The following SCAF8 variants were observed in gnomAD, a reference collection of about 807,000 sequenced individuals.
SCAF8 encodes SR-related and CTD-associated factor 8.
A neutral mutation model predicts 140.5 loss-of-function variants in SCAF8; 23 were observed. The ratio of observed to expected loss-of-function variants is 0.16; its 90% confidence interval spans 0.12 to 0.23. SCAF8 has a LOEUF of 0.23. Ranked by LOEUF, SCAF8 falls within the 10% of genes least tolerant of loss-of-function variation. The pLI is 1.00. For missense variants in SCAF8, 1,397 were observed against 1,555.7 expected (o/e 0.90, Z 1.72); for synonymous variants, 575 against 528.9 (o/e 1.09, Z -1.20).
chr6:154,827,328 A>G (rs964648207), intron 18 of SCAF8, 88 bp downstream of exon 18: 1 of 854,162 alleles, frequency 1.2e-6, no homozygotes, highest in Non-Finnish European at 1.8e-6. Flanking sequence ...TACCGTTAAT[A>G]TTTTTATTAT....
intron 1 of SCAF8, among the ~76,000 whole-genome samples, chr6:154,772,498 C>T (rs1776798428): frequency 6.6e-6 from 1 of 152,106 alleles, no homozygotes; most frequent in Non-Finnish European, 1.5e-5. Context: ...AAGACCAGCC[C>T]AGGCAACATG....
intron 6 of SCAF8, among the ~76,000 whole-genome samples, chr6:154,797,964 A>G (rs994717390): frequency 1.3e-5 from 2 of 151,314 alleles, no homozygotes; most frequent in Middle Eastern, 3.4e-3. Flanking sequence ...ATTCAAATCA[A>G]ACTAAAATTT....
intron 6 of SCAF8, among the ~76,000 whole-genome samples, chr6:154,798,867 G>A (rs1358141685): frequency 1.3e-5 from 2 of 151,430 alleles, no homozygotes; most frequent in East Asian, 3.9e-4. Context: ...TGGTGCAGTT[G>A]TATTTCACTG....
chr6:154,778,075 G>C (rs1201125858), intron 3 of SCAF8, 30 bp downstream of exon 3: 6 of 1,309,830 alleles, frequency 4.6e-6, no homozygotes, highest in Non-Finnish European at 6.6e-6. Context: ...TACATGTGCT[G>C]TAATTGTAGA....
At chr6:154,737,021 A>T (rs1289913034) in intron 1 of SCAF8, among the ~76,000 whole-genome samples, 1 of 152,226 alleles carries the variant, frequency 6.6e-6, no homozygotes, top group Non-Finnish European at 1.5e-5. Context: ...TTTTGAATGC[A>T]GTTTCTGTGA....
At position 154,808,112 on chromosome 6, in the gene SCAF8, C is replaced by T. The variant is rs1457251004; in HGVS notation, c.1024C>T (p.His342Tyr). 14 of 1,613,810 alleles carry T rather than the reference C, an allele frequency of 8.7e-6. No homozygotes were observed. Among genetic ancestry groups the T allele is most frequent in the Non-Finnish European group, 1.1e-5 (13 of 1,179,808 alleles). The change falls in exon 10 of 20, where the codon CAT (histidine) becomes TAT (tyrosine). Residue 342 changes from histidine (H) to tyrosine (Y), a missense_variant. Around this residue, in one of 5 missense-constraint regions of SCAF8, gnomAD observed 339 missense variants for 407.5 expected, o/e 0.83. Transcript: ENST00000367178. ...TCAGGAAGGAACCTTTGGGTCAGAG[C>T]ATTCAGCGTCACCATCACAAGGGAG... ...DSQEGTFGSE[H>Y]SASPSQGSSQ...
chr6:154,759,169 G>T (rs1457426400), intron 1 of SCAF8, among the ~76,000 whole-genome samples: 2 of 152,124 alleles, frequency 1.3e-5, no homozygotes, highest in African/African-American at 4.8e-5. Flanking sequence ...TGGGGATTTT[G>T]AGTTGTCATC....
chr6:154,804,433 C>T (rs1454777248), intron 8 of SCAF8, among the ~76,000 whole-genome samples: 2 of 152,158 alleles, frequency 1.3e-5, no homozygotes, highest in Admixed American at 1.3e-4. Flanking sequence ...ATGTAAGAAT[C>T]TCCTTTAACA....
At chr6:154,798,514 C>T (rs1381599453) in intron 6 of SCAF8, among the ~76,000 whole-genome samples, 1 of 151,336 alleles carries the variant, frequency 6.6e-6, no homozygotes, top group Non-Finnish European at 1.5e-5. Context: ...TCCTTTCTTC[C>T]CTTTGTTCTT....
intron 7 of SCAF8, 60 bp downstream of exon 7, chr6:154,802,207 G>T: frequency 6.1e-6 from 6 of 991,050 alleles, no homozygotes; most frequent in Non-Finnish European, 8.5e-6. Context: ...ATACTATCAT[G>T]GATTTTAATT....
chr6:154,741,953 C>A (rs1446663045), intron 1 of SCAF8: 6 of 1,530,268 alleles, frequency 3.9e-6, no homozygotes, highest in Non-Finnish European at 5.3e-6. Context: ...TCCTCTCTCT[C>A]AGGATTGTGC....
At chr6:154,782,539 C>G (rs894397030) in intron 3 of SCAF8, among the ~76,000 whole-genome samples, 2 of 152,052 alleles carry the variant, frequency 1.3e-5, no homozygotes, top group African/African-American at 4.8e-5. Context: ...GATCCTGTGT[C>G]AGGGTTCTCT....
At chr6:154,812,643 A>C (rs1353916212) in intron 12 of SCAF8, among the ~76,000 whole-genome samples, 1 of 152,122 alleles carries the variant, frequency 6.6e-6, no homozygotes, top group Non-Finnish European at 1.5e-5. Context: ...CATACGATTT[A>C]TTGGTCTTTA....
chr6:154,832,053 A>C lies in SCAF8; in HGVS notation c.2474A>C (p.Glu825Ala). Residue 825 changes from glutamate (E) to alanine (A), a missense_variant, in exon 20 of 20, where the codon GAA (glutamate) becomes GCA (alanine). By Grantham distance (107) the Glu-to-Ala change is moderately radical. Transcript: ENST00000367178. ...VQRPNVSSNS[E>A]ILGVRPSNVS... is the part of the protein sequence containing the mutation. ...AGACCAAATGTATCAAGTAATTCTG[A>C]AATTCTTGGGGTCCGGCCATCTAAT... The C allele has an allele frequency of 6.2e-7, 1 of 1,614,138 alleles. No individual in the cohort carries two copies. The highest frequency in any genetic ancestry group is 8.5e-7 in the Non-Finnish European group (1 of 1,179,994).
chr6:154,745,437 G>T (rs1728139447), intron 1 of SCAF8, among the ~76,000 whole-genome samples: 1 of 152,234 alleles, frequency 6.6e-6, no homozygotes, highest in Non-Finnish European at 1.5e-5. Context: ...GCAGTGGTGT[G>T]ATCATGGCTC....
chr6:154,771,014 GGATTACA>G (rs1776750189), intron 1 of SCAF8, among the ~76,000 whole-genome samples: 1 of 152,068 alleles, frequency 6.6e-6, no homozygotes, highest in Non-Finnish European at 1.5e-5. Context: ...CAAAGTGCTG[GGATTACA>G]GGTGTGAGCC....
chr6:154,828,524 C>G (rs567711883), intron 18 of SCAF8, among the ~76,000 whole-genome samples: 8 of 149,274 alleles, frequency 5.4e-5, no homozygotes, highest in Admixed American at 4.0e-4. Context: ...TTGCATTTTT[C>G]TTTTTTTGAA....
intron 16 of SCAF8, among the ~76,000 whole-genome samples, chr6:154,823,212 G>C (rs1778469595): frequency 6.6e-6 from 1 of 152,170 alleles, no homozygotes; most frequent in Non-Finnish European, 1.5e-5. Context: ...GAGATGGATG[G>C]TGGGTCTTTA....
intron 3 of SCAF8, among the ~76,000 whole-genome samples, chr6:154,787,400 C>G (rs988781492): frequency 6.6e-6 from 1 of 152,176 alleles, no homozygotes; most frequent in South Asian, 2.1e-4. Flanking sequence ...AAACTCTGGC[C>G]TCTGTATTTA....
Sources: gnomAD v4.1 joint callset for allele counts (sites outside exome capture counted in the v4.1 genomes callset) on GRCh38, gnomAD v4.1.1 for gene constraint, gnomAD v4.1.1 regional missense constraint, MANE v1.5 for transcripts, NCBI Gene and HGNC (gene_info 2026-07-23, HGNC 2026-07-21) for gene names.